Variants in CCDC170 observed in about 807,000 individuals in gnomAD.
The protein encoded by CCDC170 is coiled-coil domain containing 170, also known as coiled-coil domain-containing protein 170.
Under a neutral mutation model 72.6 loss-of-function variants are expected in CCDC170, and 69 were observed. That is an observed-to-expected ratio of 0.95 (90% CI 0.78 to 1.16). The LOEUF (loss-of-function observed/expected upper bound fraction) is 1.16, where lower values mean the gene tolerates loss of function less well. Among genes scored for constraint, CCDC170 ranks in the 50% most tolerant of loss-of-function variants. CCDC170 has a pLI of 0.00. For synonymous variants in CCDC170, 300 were observed against 303.9 expected, an observed-to-expected ratio of 0.99 and a Z score of 0.13; for missense variants, 852 against 832.5, an observed-to-expected ratio of 1.02 and a Z score of -0.29.
chr6:151,575,818 G>A (rs1199377721), intron 6 of CCDC170, among the ~76,000 whole-genome samples: 1 of 151,974 alleles, frequency 6.6e-6, no homozygotes, highest in African/African-American at 2.4e-5. Context: ...GTGAGCCACC[G>A]TGCCCGGCTG....
Position 151,577,325 on chromosome 6 carries a change from G to T in CCDC170, c.1092+3834G>T, listed in dbSNP as rs544763397. On this transcript the variant is annotated intron_variant, in intron 6 of 10. Coordinates refer to ENST00000239374, the MANE Select transcript of CCDC170 (RefSeq NM_025059.4). Reference sequence around the variant, plus strand: ...CCGCCGGGGGTCAAAATTGCCCCCAGTTGAAAACCACTGTCTTAGAGGAAT... The same window carrying T: ...CCGCCGGGGGTCAAAATTGCCCCCATTTGAAAACCACTGTCTTAGAGGAAT... Among the ~76,000 whole-genome samples the T allele has an allele frequency of 2.0e-5, 3 of 152,176 alleles. No homozygotes were observed. In the East Asian group the frequency reaches 5.8e-4, roughly 29 times the overall value.
chr6:151,567,124 G>A lies in CCDC170; in HGVS notation c.775-6050G>A, dbSNP rs898270274. Reference sequence around the variant, plus strand: ...AGTAGAGACGGGGTTTCTCCATGTTGGTCAGGCTGATCTTGAACTCCGGAC... The same window carrying A: ...AGTAGAGACGGGGTTTCTCCATGTTAGTCAGGCTGATCTTGAACTCCGGAC... On this transcript the variant is annotated intron_variant, in intron 5 of 10. Coordinates refer to ENST00000239374, the MANE Select transcript of CCDC170 (RefSeq NM_025059.4). 2.0e-5 allele frequency among the ~76,000 whole-genome samples: 3 copies of A among 152,128 alleles called. No individual in the cohort carries two copies. In the East Asian group the frequency reaches 5.8e-4, roughly 29 times the overall value.
At chr6:151,536,279 CTCT>C (rs1254502880) in intron 1 of CCDC170, 36 bp from the exon 2 acceptor site, 1 of 1,606,464 alleles carries the variant, frequency 6.2e-7, no homozygotes, top group South Asian at 1.1e-5. Context: ...TCGTTTAACA[CTCT>C]TCTTTATATT....
Position 151,494,152 on chromosome 6 carries a change from T to A in CCDC170, c.24T>A (p.His8Gln). 6.5e-7 allele frequency: 1 copy of A among 1,528,048 alleles called. No individual in the cohort carries two copies. The allele number at this position is 1,528,048 out of a possible 1,614,324, so 94.7% of individuals were successfully genotyped here. A position where few individuals can be genotyped will look rare whatever the true frequency, so the allele number is the denominator to read the frequency against. The change falls in exon 1 of 11, where the codon CAT (histidine) becomes CAA (glutamine). Residue 8 changes from histidine to glutamine, a missense_variant. Transcript: ENST00000239374. MSLDCTSHIALGAASPAP... is the reference protein window; with the variant it reads MSLDCTSQIALGAASPAP... The stretch of plus-strand genomic sequence containing the variant: ...TCATGAGCCTGGACTGCACCAGCCA[T>A]ATCGCGCTGGGTGCCGCTTCGCCAG...
At chr6:151,535,746 TG>T (rs1298846213) in intron 1 of CCDC170, among the ~76,000 whole-genome samples, 3 of 152,092 alleles carry the variant, frequency 2.0e-5, no homozygotes, top group Non-Finnish European at 4.4e-5. Flanking sequence ...AATCTTTTTT[TG>T]TTTTTTTGTT....
intron 1 of CCDC170, among the ~76,000 whole-genome samples, chr6:151,516,922 G>T (rs1288763489): frequency 6.6e-6 from 1 of 152,212 alleles, no homozygotes; most frequent in East Asian, 1.9e-4. Context: ...AGATGAACAT[G>T]CCTAGTCCCA....
chr6:151,580,568 G>A (rs1020325530), intron 6 of CCDC170, among the ~76,000 whole-genome samples: 2 of 152,046 alleles, frequency 1.3e-5, no homozygotes, highest in African/African-American at 4.8e-5. Flanking sequence ...TAAGAAATGA[G>A]GTTTCTCAGA....
chr6:151,594,843 G>T (rs1776597007), intron 8 of CCDC170, among the ~76,000 whole-genome samples: 1 of 151,982 alleles, frequency 6.6e-6, no homozygotes, highest in Non-Finnish European at 1.5e-5. Context: ...TAGAGACAGG[G>T]TTTCTCCATA....
intron 6 of CCDC170, among the ~76,000 whole-genome samples, chr6:151,575,525 CTTTTTTTTTTT>C (rs869185539): frequency 6.3e-5 from 5 of 79,664 alleles, no homozygotes; most frequent in Admixed American, 2.2e-4. Flanking sequence ...TCTTTTCTTT[CTTTTTTTTTTT>C]TTTTTTTTTT....
At position 151,499,540 on chromosome 6, in the gene CCDC170, G is replaced by T. The variant is rs142946533; in HGVS notation, c.57+5355G>T. Among the ~76,000 whole-genome samples the T allele has an allele frequency of 6.9e-4, 76 of 110,180 alleles. 2 individuals carry two copies. Among genetic ancestry groups the T allele is most frequent in the African/African-American group, 1.8e-3 (34 of 19,166 alleles). The allele number at this position is 110,180 out of a possible 152,430, so 72.3% of individuals were successfully genotyped here. A position where few individuals can be genotyped will look rare whatever the true frequency, so the allele number is the denominator to read the frequency against. On this transcript the variant is annotated intron_variant, in intron 1 of 10. Coordinates refer to ENST00000239374, the MANE Select transcript of CCDC170 (RefSeq NM_025059.4). ...GACTGTATTTGACTATTCTAGGCAT[G>T]CTGTATAAGTGGAATCATACTGTAT...
intron 8 of CCDC170, 139 bp from the exon 9 acceptor site, chr6:151,596,196 A>G (rs1276038670): frequency 9.5e-6 from 10 of 1,052,770 alleles, no homozygotes; most frequent in Non-Finnish European, 1.1e-5. Context: ...AATCAGGAAA[A>G]GGAATCCAAT....
At chr6:151,612,760 G>A (rs56216011) in intron 9 of CCDC170, among the ~76,000 whole-genome samples, 13,440 of 151,942 alleles carry the variant, frequency 0.088, 798 homozygotes, top group Non-Finnish European at 0.13. Context: ...AAGAAGGGAT[G>A]GGAGGGAAGG....
chr6:151,519,699 C>T (rs376883281), intron 1 of CCDC170, among the ~76,000 whole-genome samples: 1 of 152,146 alleles, frequency 6.6e-6, no homozygotes, highest in East Asian at 1.9e-4. Flanking sequence ...TGACTTCCCG[C>T]AACATATATT....
chr6:151,596,440 G>A lies in CCDC170; in HGVS notation c.1573G>A (p.Val525Met). Residue 525 changes from valine to methionine, a missense_variant, in exon 9 of 11, where the codon GTG becomes ATG. By Grantham distance (21) the Val-to-Met change is conservative. Transcript: ENST00000239374. ...EEEKQARTAL[V>M]VERDNAHLTI... ...GGAGAAGCAGGCACGCACGGCCTTGGTGGTTGAGAGGGACAACGCGCATCT... is the reference window on the plus strand; with the variant it reads ...GGAGAAGCAGGCACGCACGGCCTTGATGGTTGAGAGGGACAACGCGCATCT... 2 of 1,614,146 alleles carry A rather than the reference G, an allele frequency of 1.2e-6. No individual in the cohort carries two copies. Among genetic ancestry groups the A allele is most frequent in the Non-Finnish European group, 1.7e-6 (2 of 1,180,012 alleles).
chr6:151,574,642 C>T (rs12197879), intron 6 of CCDC170, among the ~76,000 whole-genome samples: 67,580 of 151,934 alleles, frequency 0.44, 17,814 homozygotes, highest in Non-Finnish European at 0.59. Context: ...AAATGAAGAC[C>T]GCAAATAGCC....
intron 3 of CCDC170, among the ~76,000 whole-genome samples, chr6:151,540,753 C>T (rs1325241916): frequency 6.6e-6 from 1 of 151,966 alleles, no homozygotes; most frequent in Non-Finnish European, 1.5e-5. Flanking sequence ...CTAATTACCT[C>T]CCAAAGGCCC....
intron 1 of CCDC170, among the ~76,000 whole-genome samples, chr6:151,509,022 A>C (rs1782104596): frequency 6.6e-6 from 1 of 151,756 alleles, no homozygotes. Context: ...TCTCAAAAAA[A>C]AAAAAAAAAA....
intron 1 of CCDC170, among the ~76,000 whole-genome samples, chr6:151,531,486 C>A (rs1782489588): frequency 6.6e-6 from 1 of 152,058 alleles, no homozygotes; most frequent in Non-Finnish European, 1.5e-5. Context: ...TGCTTGTAGT[C>A]CTAGCTACTC....
intron 1 of CCDC170, among the ~76,000 whole-genome samples, chr6:151,509,226 C>G (rs553748422): frequency 6.4e-5 from 9 of 139,992 alleles, no homozygotes; most frequent in South Asian, 4.5e-4. Context: ...ATCTATGTAT[C>G]TATCTATCTA....
Sources: allele counts gnomAD v4.1 joint callset (sites outside exome capture counted in the v4.1 genomes callset), GRCh38; gene constraint gnomAD v4.1.1; transcripts MANE v1.5; gene names NCBI Gene and HGNC (gene_info 2026-07-23, HGNC 2026-07-21).